The following MRE11 variants were observed in gnomAD, a reference collection of about 807,000 sequenced individuals.
MRE11 encodes the protein double-strand break repair protein MRE11.
MRE11 carries 62 observed loss-of-function variants against 91.7 expected under a neutral mutation model. The ratio of observed to expected loss-of-function variants is 0.68; its 90% CI spans 0.55 to 0.84. The LOEUF is 0.84. Ranked by LOEUF, MRE11 falls within the 40% of genes least tolerant of loss-of-function variation. The probability of loss-of-function intolerance (pLI) is 0.00; values close to 1 mark genes in which losing one functional copy is unlikely to be tolerated. For synonymous variants in MRE11, 273 were observed against 271.4 expected (o/e 1.01, Z -0.06); for missense variants, 796 against 852.9 (o/e 0.93, Z 0.83).
chr11:94,493,824 C>T lies in MRE11; in HGVS notation c.-139G>A, dbSNP rs904146835. ...ACCCGCAGGGCCGTAAACCTGAATT[C>T]CGCGGGAGAGAACGGCGTCCGTTTC... On this transcript the variant is annotated 5_prime_UTR_variant, in exon 1 of 20. Transcript: ENST00000323929. 4.6e-5 allele frequency: 7 copies of T among 152,256 alleles called. No homozygotes were observed. Among genetic ancestry groups the T allele is most frequent in the Non-Finnish European group, 1.0e-4 (7 of 68,082 alleles). The allele number at this position is 152,256 out of a possible 1,614,324, so 9.4% of individuals were successfully genotyped here.
chr11:94,421,236 T>C (rs892131877), intron 19 of MRE11, among the ~76,000 whole-genome samples: 1 of 152,212 alleles, frequency 6.6e-6, no homozygotes, highest in Admixed American at 6.5e-5. Context: ...AATTTGTTTA[T>C]AAGTTTTTTA....
chr11:94,477,682 G>A (rs1438366838), intron 6 of MRE11, among the ~76,000 whole-genome samples: 1 of 152,214 alleles, frequency 6.6e-6, no homozygotes, highest in Non-Finnish European at 1.5e-5. Context: ...CAAGGCATTA[G>A]AAGATTAATC....
At chr11:94,479,556 A>G (rs539843347) in intron 5 of MRE11, 118 bp downstream of exon 5, 6 of 842,608 alleles carry the variant, frequency 7.1e-6, no homozygotes, top group South Asian at 1.5e-5. Context: ...TGAAAAGTCA[A>G]CTTGACTTTT....
chr11:94,452,251 G>A (rs1946130443), intron 14 of MRE11, among the ~76,000 whole-genome samples: 1 of 150,474 alleles, frequency 6.6e-6, no homozygotes, highest in Non-Finnish European at 1.5e-5. Flanking sequence ...GAGAAAATGT[G>A]GCCAAACAAA....
intron 6 of MRE11, among the ~76,000 whole-genome samples, chr11:94,478,000 A>C (rs1340092271): frequency 6.6e-6 from 1 of 152,208 alleles, no homozygotes; most frequent in African/African-American, 2.4e-5. Flanking sequence ...GGAATCTGAT[A>C]ATTATAAAAA....
intron 4 of MRE11, chr11:94,483,659 G>A (rs561143984): frequency 6.6e-6 from 1 of 152,634 alleles, no homozygotes; most frequent in Non-Finnish European, 1.5e-5. Context: ...GAACTGCCCA[G>A]TCTTGGCGGG....
At chr11:94,431,558 A>G (rs1027146584) in intron 18 of MRE11, among the ~76,000 whole-genome samples, 4 of 152,220 alleles carry the variant, frequency 2.6e-5, no homozygotes, top group African/African-American at 9.6e-5. Context: ...ATGGTCAGAG[A>G]AGTTAGTTAC....
In MRE11 at chr11:94,461,027, A is replaced by G; in HGVS notation, c.1235T>C (p.Ile412Thr). The change falls in exon 12 of 20, where the codon ATC (isoleucine) becomes ACC (threonine). Residue 412 changes from isoleucine (I) to threonine (T), a missense_variant. Transcript: ENST00000323929. Reference protein sequence around the residue: ...REQKEKTGEEINFGKLITKPS... With the variant: ...REQKEKTGEETNFGKLITKPS... ...CTTTGTGATAAGTTTCCCAAAGTTG[A>G]TCTCTTCTCCTAGAAAAAAAGAAGT... 6.2e-7 allele frequency: 1 copy of G among 1,612,526 alleles called. No homozygotes were observed. Among genetic ancestry groups the G allele is most frequent in the Non-Finnish European group, 8.5e-7 (1 of 1,179,200 alleles).
At chr11:94,448,621 G>A (rs894570326) in intron 14 of MRE11, among the ~76,000 whole-genome samples, 3 of 151,594 alleles carry the variant, frequency 2.0e-5, no homozygotes, top group African/African-American at 7.3e-5. Context: ...AAAAAAAAAT[G>A]AAAAGAAACG....
chr11:94,441,149 C>T (rs1452947739), intron 16 of MRE11, among the ~76,000 whole-genome samples: 1 of 152,200 alleles, frequency 6.6e-6, no homozygotes, highest in African/African-American at 2.4e-5. Context: ...AGTCCACTTT[C>T]TGCTGCAAAG....
intron 7 of MRE11, chr11:94,472,793 T>C (rs894938061): frequency 1.3e-5 from 2 of 152,116 alleles, no homozygotes; most frequent in African/African-American, 2.4e-5. Context: ...CCCCAACATA[T>C]GTGCAAATAT....
At chr11:94,421,635 C>T (rs1945174073) in intron 19 of MRE11, among the ~76,000 whole-genome samples, 1 of 152,174 alleles carries the variant, frequency 6.6e-6, no homozygotes, top group Non-Finnish European at 1.5e-5. Context: ...GCTCTTGCTG[C>T]CATTTTTCTT....
At chr11:94,453,117 T>C (rs576745286) in intron 14 of MRE11, among the ~76,000 whole-genome samples, 4 of 152,304 alleles carry the variant, frequency 2.6e-5, no homozygotes, top group Non-Finnish European at 5.9e-5. Context: ...TCACTCATAA[T>C]GTTTTCAGAG....
At chr11:94,450,263 G>C (rs1211916299) in intron 14 of MRE11, among the ~76,000 whole-genome samples, 2 of 152,274 alleles carry the variant, frequency 1.3e-5, no homozygotes, top group East Asian at 3.9e-4. Context: ...TCCCCTAGGA[G>C]CAATGATTCA....
At chr11:94,441,882 C>G (rs529558473) in intron 16 of MRE11, among the ~76,000 whole-genome samples, 3 of 142,978 alleles carry the variant, frequency 2.1e-5, no homozygotes, top group African/African-American at 7.9e-5. Context: ...GAGGCTAAGA[C>G]AGGAAAATTG....
chr11:94,478,844 A>G lies in MRE11; in HGVS notation c.435T>C (p.Ser145=). The G allele has an allele frequency of 6.2e-7, 1 of 1,613,848 alleles. No homozygotes were observed. Among genetic ancestry groups the G allele is most frequent in the East Asian group, 2.2e-5 (1 of 44,818 alleles). Residue 145 remains serine, a synonymous_variant, in exon 6 of 20, where the codon AGT becomes AGC. Transcript: ENST00000323929. ...CAAAGTGATTTACAAATCCAGCACA[A>G]CTTAAAATGTCCAAGGCACAAAGTG... ...ADALCALDIL[S]CAGFVNHFGR...
At chr11:94,485,358 T>C (rs1377027767) in intron 4 of MRE11, among the ~76,000 whole-genome samples, 1 of 151,936 alleles carries the variant, frequency 6.6e-6, no homozygotes, top group Non-Finnish European at 1.5e-5. Flanking sequence ...AACCAATAGA[T>C]TTAACTACAT....
chr11:94,510,521 G>C, the MRE11 span, among the ~76,000 whole-genome samples: 3 of 152,140 alleles, frequency 2.0e-5, no homozygotes, highest in Admixed American at 6.5e-5. Flanking sequence ...TGTTAAAATA[G>C]CATCATGAGT....
chr11:94,423,506 T>A (rs938332451), intron 19 of MRE11, among the ~76,000 whole-genome samples: 14 of 152,076 alleles, frequency 9.2e-5, no homozygotes, highest in African/African-American at 3.4e-4. Flanking sequence ...TCCCCTGGAG[T>A]AGGACTAGCC....
Sources: gnomAD v4.1 joint callset for allele counts (sites outside exome capture counted in the v4.1 genomes callset) on GRCh38, gnomAD v4.1.1 for gene constraint, MANE v1.5 for transcripts, NCBI Gene and HGNC (gene_info 2026-07-23, HGNC 2026-07-21) for gene names.